Variants in DLG2 observed in about 807,000 individuals in gnomAD.
The protein encoded by DLG2 is discs large MAGUK scaffold protein 2.
Under a neutral mutation model 132.5 loss-of-function variants are expected in DLG2, and 45 were observed. The observed-to-expected ratio is 0.34, with a 90% CI of 0.27 to 0.44. DLG2 has a LOEUF of 0.44. DLG2 is among the 20% of genes least tolerant of loss of function. The probability of loss-of-function intolerance (pLI) is 1.00; values close to 1 mark genes in which losing one functional copy is unlikely to be tolerated. For missense variants in DLG2, 1,045 were observed against 1,196.9 expected (o/e 0.87, Z 1.87); for synonymous variants, 424 against 419.6 (o/e 1.01, Z -0.13).
chr11:85,285,071 A>T (rs926192025), intron 4 of DLG2, 149 bp downstream of exon 4: 21 of 617,096 alleles, frequency 3.4e-5, no homozygotes, highest in Non-Finnish European at 4.9e-5. Flanking sequence ...TTGAATTTTC[A>T]TATATGAAAA....
At chr11:84,333,185 A>AT (rs1231863842) in intron 7 of DLG2, among the ~76,000 whole-genome samples, 2 of 152,218 alleles carry the variant, frequency 1.3e-5, no homozygotes, top group African/African-American at 4.8e-5. Context: ...GCCTTGGTCC[A>AT]ATGAAAGGTC....
chr11:84,305,065 T>C (rs963396429), intron 7 of DLG2, among the ~76,000 whole-genome samples: 3 of 152,232 alleles, frequency 2.0e-5, no homozygotes, highest in African/African-American at 7.2e-5. Context: ...AAGTAGTTTA[T>C]ATTAAAATAG....
intron 6 of DLG2, among the ~76,000 whole-genome samples, chr11:84,876,115 G>A (rs903862036): frequency 5.9e-5 from 9 of 152,078 alleles, no homozygotes; most frequent in Non-Finnish European, 1.0e-4. Context: ...TGTTTTAGAT[G>A]AAGCCCTTGA....
chr11:84,447,777 T>C (rs1308337234), intron 7 of DLG2, among the ~76,000 whole-genome samples: 1 of 152,130 alleles, frequency 6.6e-6, no homozygotes, highest in Non-Finnish European at 1.5e-5. Context: ...ATAGTAGATC[T>C]GAATTAATAT....
intron 7 of DLG2, among the ~76,000 whole-genome samples, chr11:84,292,725 C>G (rs776119524): frequency 1.4e-4 from 21 of 152,090 alleles, no homozygotes; most frequent in Non-Finnish European, 2.6e-4. Context: ...AAATTACATA[C>G]TATATCCAAA....
intron 6 of DLG2, among the ~76,000 whole-genome samples, chr11:84,846,565 C>T (rs1458343421): frequency 6.6e-6 from 1 of 152,126 alleles, no homozygotes; most frequent in Non-Finnish European, 1.5e-5. Context: ...CCCTCCAATC[C>T]ATTCTCTCCC....
At chr11:84,481,865 A>G (rs948440457) in intron 7 of DLG2, among the ~76,000 whole-genome samples, 1 of 152,180 alleles carries the variant, frequency 6.6e-6, no homozygotes, top group Admixed American at 6.5e-5. Context: ...GCTCCACCCA[A>G]ATGCATTGAA....
intron 3 of DLG2, among the ~76,000 whole-genome samples, chr11:85,396,191 G>T (rs2152955023): frequency 6.6e-6 from 1 of 152,272 alleles, no homozygotes; most frequent in South Asian, 2.1e-4. Context: ...CTGACTGTTT[G>T]TTAGAAGGAA....
intron 3 of DLG2, among the ~76,000 whole-genome samples, chr11:85,305,764 C>T (rs1446841309): frequency 2.0e-5 from 3 of 152,206 alleles, no homozygotes; most frequent in Non-Finnish European, 4.4e-5. Context: ...CCGCCCGCCT[C>T]GGCTTCCCAA....
At chr11:83,535,334 T>C (rs1463023599) in intron 20 of DLG2, among the ~76,000 whole-genome samples, 2 of 152,144 alleles carry the variant, frequency 1.3e-5, no homozygotes, top group African/African-American at 4.8e-5. Context: ...TGCAAATAAA[T>C]TCTGCATAAA....
At chr11:83,886,828 CAA>C (rs1595943370) in intron 15 of DLG2, among the ~76,000 whole-genome samples, 1 of 152,052 alleles carries the variant, frequency 6.6e-6, no homozygotes, top group African/African-American at 2.4e-5. Flanking sequence ...GGAAACTGAA[CAA>C]CCTGCTCCTG....
At chr11:85,029,300 A>G (rs1487272290) in intron 6 of DLG2, among the ~76,000 whole-genome samples, 2 of 152,108 alleles carry the variant, frequency 1.3e-5, no homozygotes, top group Non-Finnish European at 2.9e-5. Flanking sequence ...TGTTAAAGTG[A>G]CAGGTAATTT....
At chr11:85,069,710 G>A (rs2065503269) in intron 6 of DLG2, among the ~76,000 whole-genome samples, 1 of 152,156 alleles carries the variant, frequency 6.6e-6, no homozygotes, top group African/African-American at 2.4e-5. Context: ...TGGTGGGACT[G>A]TAAACTAGTT....
At chr11:85,613,842 C>A (rs1418483443) in intron 2 of DLG2, among the ~76,000 whole-genome samples, 1 of 152,218 alleles carries the variant, frequency 6.6e-6, no homozygotes, top group African/African-American at 2.4e-5. Flanking sequence ...TGCTGCTGCT[C>A]ACTCTTTGGG....
At chr11:83,486,122 A>G in intron 21 of DLG2, 2 of 590,686 alleles carry the variant, frequency 3.4e-6, no homozygotes, top group Non-Finnish European at 6.0e-6. Flanking sequence ...TGGTGTCCAA[A>G]AACAAGGTTG....
At chr11:84,963,160 T>C (rs535978316) in intron 6 of DLG2, among the ~76,000 whole-genome samples, 1 of 152,310 alleles carries the variant, frequency 6.6e-6, no homozygotes, top group Non-Finnish European at 1.5e-5. Flanking sequence ...AAAATACAAC[T>C]TTTTGAGAGC....
intron 6 of DLG2, among the ~76,000 whole-genome samples, chr11:85,062,772 G>T (rs545882154): frequency 1.3e-5 from 2 of 151,848 alleles, no homozygotes; most frequent in South Asian, 4.1e-4. Context: ...TGGGCATTTT[G>T]CATGTATCTG....
chr11:85,061,128 C>T (rs2064087276), intron 6 of DLG2, among the ~76,000 whole-genome samples: 2 of 151,566 alleles, frequency 1.3e-5, no homozygotes, highest in Non-Finnish European at 1.5e-5. Flanking sequence ...CGAATATTAA[C>T]TCTTTACAAG....
chr11:85,060,996 T>G (rs1440775959), intron 6 of DLG2, among the ~76,000 whole-genome samples: 2 of 151,858 alleles, frequency 1.3e-5, no homozygotes, highest in Non-Finnish European at 2.9e-5. Flanking sequence ...TTAGTGATGT[T>G]GAGCATCTTT....
Sources: allele counts gnomAD v4.1 joint callset (sites outside exome capture counted in the v4.1 genomes callset), GRCh38; gene constraint gnomAD v4.1.1; transcripts MANE v1.5; gene names NCBI Gene and HGNC (gene_info 2026-07-23, HGNC 2026-07-21).